UBXN8: variants seen among roughly 807,000 people sequenced by gnomAD.
UBXN8 encodes UBX domain-containing protein 8.
In UBXN8, 27 loss-of-function variants were observed where a neutral mutation model predicts 32.1. The ratio of observed to expected loss-of-function variants is 0.84; its 90% CI spans 0.62 to 1.16. The LOEUF is 1.16. UBXN8 is among the 50% of genes most tolerant of loss of function. UBXN8 has a pLI of 0.00. For missense variants in UBXN8, 306 were observed against 311.4 expected, an observed-to-expected ratio of 0.98 and a Z score of 0.13; for synonymous variants, 109 against 111.8, an observed-to-expected ratio of 0.98 and a Z score of 0.16.
At chr8:30,753,281 G>A (rs998208496) in intron 3 of UBXN8, among the ~76,000 whole-genome samples, 176 bp downstream of exon 3, 7 of 152,046 alleles carry the variant, frequency 4.6e-5, no homozygotes, top group Non-Finnish European at 7.4e-5. Context: ...TTTTGAAATG[G>A]AGTCTCGCTG....
intron 6 of UBXN8, among the ~76,000 whole-genome samples, chr8:30,761,696 G>C (rs1805835811): frequency 6.6e-6 from 1 of 151,910 alleles, no homozygotes; most frequent in Non-Finnish European, 1.5e-5. Context: ...AACATAGTGA[G>C]ACGCTGTCGC....
chr8:30,760,444 T>TATATATATATATATA (rs60534482), intron 5 of UBXN8, among the ~76,000 whole-genome samples: 11 of 67,016 alleles, frequency 1.6e-4, no homozygotes, highest in African/African-American at 6.9e-4. Flanking sequence ...TATATATATA[T>TATATATATATATATA]TTTTTTTTTT....
At chr8:30,731,877 T>C (rs918218602), upstream of UBXN8, among the ~76,000 whole-genome samples, 6 of 152,194 alleles carry the variant, frequency 3.9e-5, no homozygotes, top group Admixed American at 6.5e-5. Context: ...TCCTGCCTGT[T>C]CCCAAGCCTG....
chr8:30,763,738 C>T (rs1805926237), intron 7 of UBXN8, among the ~76,000 whole-genome samples: 1 of 151,982 alleles, frequency 6.6e-6, no homozygotes, highest in Non-Finnish European at 1.5e-5. Context: ...TGTCTGTAAT[C>T]CCAACACTTT....
chr8:30,742,539 G>A (rs1203042709), upstream of UBXN8, among the ~76,000 whole-genome samples: 77 of 151,986 alleles, frequency 5.1e-4, no homozygotes, highest in Admixed American at 6.6e-5. Context: ...GACAGGTTTA[G>A]CTATGTTGCC....
chr8:30,748,627 A>G (rs1332945214), intron 1 of UBXN8, among the ~76,000 whole-genome samples: 1 of 149,616 alleles, frequency 6.7e-6, no homozygotes, highest in East Asian at 2.0e-4. Context: ...TGCATCCTCT[A>G]CCTCCCAGGT....
At chr8:30,760,810 T>C in intron 5 of UBXN8, 78 bp from the exon 6 acceptor site, 2 of 855,384 alleles carry the variant, frequency 2.3e-6, no homozygotes, top group Non-Finnish European at 3.7e-6. Flanking sequence ...CTAAACTCTG[T>C]ATTGAGAGGA....
chr8:30,749,575 G>C (rs779390110), intron 1 of UBXN8, among the ~76,000 whole-genome samples: 13 of 150,164 alleles, frequency 8.7e-5, no homozygotes, highest in Non-Finnish European at 1.8e-4. Context: ...GATTATCATA[G>C]AACTAGAATT....
At chr8:30,751,912 T>G (rs1173036229) in intron 2 of UBXN8, among the ~76,000 whole-genome samples, 1 of 151,256 alleles carries the variant, frequency 6.6e-6, no homozygotes, top group Non-Finnish European at 1.5e-5. Context: ...TTTTTTTTTT[T>G]GAGATGGAGT....
chr8:30,738,565 G>A (rs1370229087), intron 1 of UBXN8, among the ~76,000 whole-genome samples: 4 of 150,906 alleles, frequency 2.7e-5, no homozygotes, highest in Admixed American at 1.3e-4. Flanking sequence ...GGAGGCTAAG[G>A]CAGGAGAATG....
At chr8:30,734,443 T>G (rs1805032474) in intron 1 of UBXN8, 1 of 150,754 alleles carries the variant, frequency 6.6e-6, no homozygotes, top group Non-Finnish European at 1.5e-5. Context: ...CATAGGGGAG[T>G]TCCTCATATC....
At chr8:30,745,241 A>G (rs151115581) in intron 1 of UBXN8, among the ~76,000 whole-genome samples, 4 of 152,332 alleles carry the variant, frequency 2.6e-5, no homozygotes, top group African/African-American at 9.6e-5. Flanking sequence ...GAGTAGGATC[A>G]ACCAACAGGC....
chr8:30,739,054 C>T (rs1275837510), intron 1 of UBXN8, among the ~76,000 whole-genome samples: 1 of 150,460 alleles, frequency 6.6e-6, no homozygotes, highest in African/African-American at 2.4e-5. Flanking sequence ...CTCAATTATA[C>T]CTCAATTAAG....
chr8:30,753,897 T>C (rs1563562118), intron 3 of UBXN8, among the ~76,000 whole-genome samples: 2 of 151,204 alleles, frequency 1.3e-5, no homozygotes, highest in Non-Finnish European at 2.9e-5. Flanking sequence ...CTCAGCTTCC[T>C]GGGTAGCTGG....
chr8:30,760,930 GT>G lies in UBXN8; in HGVS notation c.570+2del. On this transcript the variant is annotated splice_donor_variant, in intron 6 of 7. Coordinates refer to ENST00000265616, the MANE Select transcript of UBXN8 (RefSeq NM_005671.4). LOFTEE classifies it high-confidence loss of function. ...AGAACCTTCTCAAACAGCAGAAGAAGTAAGTCTATTTTTCTCTTCGAAAATT... is the reference window on the plus strand; with the variant it reads ...AGAACCTTCTCAAACAGCAGAAGAAGAAGTCTATTTTTCTCTTCGAAAATT... 6.6e-7 allele frequency: 1 copy of G among 1,525,670 alleles called. No individual in the cohort carries two copies. The highest frequency in any genetic ancestry group is 2.2e-5 in the Admixed American group (1 of 44,682). 94.5% of individuals were successfully genotyped at this position (1,525,670 alleles called of 1,614,324 possible).
At chr8:30,744,614 G>A (rs1275445622) in intron 1 of UBXN8, among the ~76,000 whole-genome samples, 2 of 152,150 alleles carry the variant, frequency 1.3e-5, no homozygotes, top group East Asian at 3.9e-4. Context: ...TTTTTGTTTT[G>A]TTTTTAGAGA....
chr8:30,733,396 T>C (rs1805010766), intron 1 of UBXN8: 1 of 152,244 alleles, frequency 6.6e-6, no homozygotes, highest in Non-Finnish European at 1.5e-5. Context: ...AAGGGCCTAT[T>C]GAACTCTGGG....
At chr8:30,731,469 C>T (rs1374238017), upstream of UBXN8, among the ~76,000 whole-genome samples, 2 of 152,078 alleles carry the variant, frequency 1.3e-5, no homozygotes, top group Non-Finnish European at 2.9e-5. Context: ...CCTGATTATC[C>T]CTTGCCCTTG....
At chr8:30,763,449 C>A in intron 7 of UBXN8, 102 bp downstream of exon 7, 1 of 1,082,916 alleles carries the variant, frequency 9.2e-7, no homozygotes, top group Non-Finnish European at 1.4e-6. Context: ...TCATCTGCAT[C>A]TCCCATCAGG....
Sources: gnomAD v4.1 joint callset for allele counts (sites outside exome capture counted in the v4.1 genomes callset) on GRCh38, gnomAD v4.1.1 for gene constraint, MANE v1.5 for transcripts, NCBI Gene and HGNC (gene_info 2026-07-23, HGNC 2026-07-21) for gene names.